The following SLC2A9 variants were observed in gnomAD, a reference collection of about 807,000 sequenced individuals.
The protein encoded by SLC2A9 is solute carrier family 2 member 9, also known as solute carrier family 2, facilitated glucose transporter member 9.
A neutral mutation model predicts 50.6 loss-of-function variants in SLC2A9; 39 were observed. That is an observed-to-expected ratio of 0.77 (90% CI 0.60 to 1.01). The LOEUF is 1.01. Among genes scored for constraint, SLC2A9 ranks in the 50% least tolerant of loss-of-function variants. SLC2A9 has a pLI of 0.00. For synonymous variants in SLC2A9, 324 were observed against 276.9 expected, an observed-to-expected ratio of 1.17 and a Z score of -1.69; for missense variants, 686 against 677.6, an observed-to-expected ratio of 1.01 and a Z score of -0.14.
At chr4:9,907,793 C>G (rs1236481917) in intron 8 of SLC2A9, among the ~76,000 whole-genome samples, 1 of 152,158 alleles carries the variant, frequency 6.6e-6, no homozygotes, top group Admixed American at 6.5e-5. Flanking sequence ...GAAATATTCT[C>G]TAGATGGGTA....
intron 6 of SLC2A9, among the ~76,000 whole-genome samples, chr4:9,934,035 T>C (rs1746622110): frequency 6.6e-6 from 1 of 152,214 alleles, no homozygotes. Flanking sequence ...CTTAATTCCA[T>C]CTGTGACCTT....
At chr4:9,791,022 G>A (rs1011798337) in intron 3 of SLC2A9, among the ~76,000 whole-genome samples, 5 of 152,128 alleles carry the variant, frequency 3.3e-5, no homozygotes, top group African/African-American at 9.7e-5. Flanking sequence ...GTGGTTGATG[G>A]TCTAAATAGC....
intron 2 of SLC2A9, among the ~76,000 whole-genome samples, chr4:10,003,767 G>A (rs1760285196): frequency 6.6e-6 from 1 of 152,186 alleles, no homozygotes; most frequent in Non-Finnish European, 1.5e-5. Flanking sequence ...GATACAGAAT[G>A]GGTGCTTAAA....
chr4:9,925,072 A>T (rs1455786450), intron 6 of SLC2A9, among the ~76,000 whole-genome samples: 1 of 152,186 alleles, frequency 6.6e-6, no homozygotes, highest in Non-Finnish European at 1.5e-5. Flanking sequence ...TCCCTGTGGC[A>T]TCTGGAGGCT....
intron 3 of SLC2A9, among the ~76,000 whole-genome samples, chr4:9,791,315 A>T (rs1719890377): frequency 6.6e-6 from 1 of 152,208 alleles, no homozygotes; most frequent in Non-Finnish European, 1.5e-5. Flanking sequence ...TATAGAGCTA[A>T]TCCATGCCTG....
chr4:9,788,911 T>C (rs1359723137), intron 3 of SLC2A9, among the ~76,000 whole-genome samples: 1 of 152,190 alleles, frequency 6.6e-6, no homozygotes, highest in Non-Finnish European at 1.5e-5. Context: ...TTCCTTCTAG[T>C]AGAAAATGGT....
chr4:9,893,138 G>A (rs1340674625), intron 8 of SLC2A9, among the ~76,000 whole-genome samples: 1 of 152,126 alleles, frequency 6.6e-6, no homozygotes, highest in Non-Finnish European at 1.5e-5. Context: ...AACAGTCAAT[G>A]CCACCACTTG....
chr4:9,869,174 T>G (rs1181205196), intron 10 of SLC2A9, among the ~76,000 whole-genome samples: 2 of 152,202 alleles, frequency 1.3e-5, no homozygotes, highest in African/African-American at 2.4e-5. Flanking sequence ...TCTGGACTTT[T>G]CCACAGAGAA....
intron 8 of SLC2A9, among the ~76,000 whole-genome samples, chr4:9,894,568 T>C (rs970801208): frequency 6.6e-6 from 1 of 152,244 alleles, no homozygotes; most frequent in African/African-American, 2.4e-5. Flanking sequence ...CTGTATTATG[T>C]CTTTATTCTT....
At chr4:9,980,343 G>A (rs141780199) in intron 5 of SLC2A9, among the ~76,000 whole-genome samples, 1 of 152,260 alleles carries the variant, frequency 6.6e-6, no homozygotes, top group East Asian at 1.9e-4. Flanking sequence ...AACACAAATT[G>A]AGCTATTAAT....
chr4:9,919,840 C>T (rs974324754), intron 7 of SLC2A9, among the ~76,000 whole-genome samples: 1 of 152,188 alleles, frequency 6.6e-6, no homozygotes, highest in Admixed American at 6.5e-5. Context: ...GGAATTCCAC[C>T]TTTGAGTGCC....
intron 5 of SLC2A9, among the ~76,000 whole-genome samples, chr4:9,949,700 G>A (rs1034655137): frequency 1.3e-5 from 2 of 152,180 alleles, no homozygotes; most frequent in Non-Finnish European, 2.9e-5. Flanking sequence ...GCTGCTAGCT[G>A]AATAGGGAAT....
At chr4:9,897,559 G>C (rs1361980288) in intron 8 of SLC2A9, among the ~76,000 whole-genome samples, 1 of 151,988 alleles carries the variant, frequency 6.6e-6, no homozygotes, top group Non-Finnish European at 1.5e-5. Flanking sequence ...CTCAATCCAT[G>C]ATGACTGGTG....
At chr4:9,991,820 G>A (rs951554274) in intron 3 of SLC2A9, among the ~76,000 whole-genome samples, 26 of 152,176 alleles carry the variant, frequency 1.7e-4, no homozygotes, top group East Asian at 1.3e-3. Flanking sequence ...AAGACCTGCC[G>A]ACACTTTGAT....
upstream of SLC2A9, among the ~76,000 whole-genome samples, chr4:10,023,429 CCT>C (rs1763644660): frequency 6.6e-6 from 1 of 152,202 alleles, no homozygotes; most frequent in Admixed American, 6.5e-5. Context: ...CTATACCCTC[CCT>C]GTTTCCTCAT....
At chr4:9,952,117 T>C (rs1191102929) in intron 5 of SLC2A9, among the ~76,000 whole-genome samples, 3 of 152,206 alleles carry the variant, frequency 2.0e-5, no homozygotes, top group Admixed American at 6.5e-5. Flanking sequence ...ACTTCACCCC[T>C]CTACTCCTCA....
chr4:9,788,572 G>A (rs1420077758), intron 3 of SLC2A9, among the ~76,000 whole-genome samples: 1 of 151,984 alleles, frequency 6.6e-6, no homozygotes, highest in Non-Finnish European at 1.5e-5. Flanking sequence ...CCAGGTATGG[G>A]ACCTGGGGAC....
At chr4:9,779,745 TC>T (rs1286154897), downstream of SLC2A9, 38 of 141,152 alleles carry the variant, frequency 2.7e-4, no homozygotes, top group African/African-American at 9.3e-4. Context: ...AGCATCTCTC[TC>T]TCTCTCTCTC....
intron 10 of SLC2A9, among the ~76,000 whole-genome samples, chr4:9,850,991 C>T (rs1269541274): frequency 1.3e-5 from 2 of 151,616 alleles, no homozygotes; most frequent in South Asian, 4.2e-4. Flanking sequence ...CAGTGTCCCA[C>T]CCCTGCTGTG....
Sources: allele counts gnomAD v4.1 joint callset (sites outside exome capture counted in the v4.1 genomes callset), GRCh38; gene constraint gnomAD v4.1.1; transcripts MANE v1.5; gene names NCBI Gene and HGNC (gene_info 2026-07-23, HGNC 2026-07-21).